SYN3: variants seen among roughly 807,000 people sequenced by gnomAD.
SYN3 encodes the protein synapsin-3.
SYN3 carries 35 observed loss-of-function variants against 65.8 expected under a neutral mutation model. The observed-to-expected ratio is 0.53, with a 90% confidence interval of 0.41 to 0.70. The LOEUF (loss-of-function observed/expected upper bound fraction) is 0.70. Ranked by LOEUF, SYN3 falls within the 30% of genes least tolerant of loss-of-function variation. The pLI, the probability that SYN3 is intolerant of heterozygous loss-of-function variation, is 0.00. For synonymous variants in SYN3, 270 were observed against 292.9 expected, an observed-to-expected ratio of 0.92 and a Z score of 0.80; for missense variants, 680 against 749.0, an observed-to-expected ratio of 0.91 and a Z score of 1.08.
intron 7 of SYN3, among the ~76,000 whole-genome samples, chr22:32,594,693 G>A (rs2059173800): frequency 1.3e-5 from 2 of 152,038 alleles, no homozygotes; most frequent in Admixed American, 1.3e-4. Flanking sequence ...TCTCCAGGTT[G>A]GTCAGGCTGG....
intron 7 of SYN3, among the ~76,000 whole-genome samples, chr22:32,554,264 T>C (rs2146315088): frequency 6.6e-6 from 1 of 152,246 alleles, no homozygotes; most frequent in Non-Finnish European, 1.5e-5. Context: ...GCTGGTTGCT[T>C]CAGGTTTCAG....
At chr22:32,893,504 A>G (rs1438539852) in intron 4 of SYN3, among the ~76,000 whole-genome samples, 3 of 152,184 alleles carry the variant, frequency 2.0e-5, no homozygotes, top group Non-Finnish European at 4.4e-5. Context: ...CCTTCAGTAG[A>G]GTCTTAAAAA....
At chr22:32,616,535 A>G (rs1021872861) in intron 6 of SYN3, among the ~76,000 whole-genome samples, 11 of 152,136 alleles carry the variant, frequency 7.2e-5, no homozygotes, top group African/African-American at 2.4e-4. Flanking sequence ...TGCTGAGTAT[A>G]ATAGCATCCC....
intron 1 of SYN3, among the ~76,000 whole-genome samples, chr22:33,024,848 C>T (rs1447347098): frequency 6.6e-6 from 1 of 152,170 alleles, no homozygotes; most frequent in Non-Finnish European, 1.5e-5. Flanking sequence ...GGGGGAGATG[C>T]CGTTACTGGG....
At chr22:32,694,585 C>T (rs892093016) in intron 6 of SYN3, among the ~76,000 whole-genome samples, 3 of 152,164 alleles carry the variant, frequency 2.0e-5, no homozygotes, top group Non-Finnish European at 2.9e-5. Context: ...TCTGCCTCCA[C>T]AGCTGAAGGC....
chr22:32,957,989 C>T (rs866050264), intron 3 of SYN3, among the ~76,000 whole-genome samples: 25 of 152,148 alleles, frequency 1.6e-4, no homozygotes, highest in South Asian at 4.1e-4. Context: ...AAAGAACCCA[C>T]CTGTGGCAAA....
intron 1 of SYN3, among the ~76,000 whole-genome samples, chr22:33,035,907 T>C (rs920146286): frequency 1.1e-4 from 17 of 152,196 alleles, no homozygotes; most frequent in Non-Finnish European, 2.4e-4. Context: ...TTCTACATTA[T>C]AATAAGCTAA....
intron 7 of SYN3, among the ~76,000 whole-genome samples, chr22:32,592,847 G>C (rs1452051674): frequency 1.3e-5 from 2 of 152,114 alleles, no homozygotes; most frequent in Non-Finnish European, 2.9e-5. Flanking sequence ...ACAGGGACTG[G>C]GTCCTATTGA....
intron 6 of SYN3, among the ~76,000 whole-genome samples, chr22:32,853,852 A>G (rs71313142): frequency 0.12 from 19,009 of 152,262 alleles, 1,619 homozygotes; most frequent in Non-Finnish European, 0.18. Context: ...TTACAGATGA[A>G]GAAACTGAGA....
chr22:32,959,469 T>G (rs960965968), intron 3 of SYN3, among the ~76,000 whole-genome samples: 1 of 151,960 alleles, frequency 6.6e-6, no homozygotes, highest in African/African-American at 2.4e-5. Flanking sequence ...GAGAATCACT[T>G]GAACCCAGGA....
rs531886571 is a variant in SYN3 at position 32,780,916 on chromosome 22, C to G, written c.711+83999G>C. Among the ~76,000 whole-genome samples, 6 of 122,100 alleles carry G rather than the reference C, an allele frequency of 4.9e-5. No homozygotes were observed. The East Asian group carries it at 6.4e-4, about 13-fold the overall frequency. 80.1% of individuals were successfully genotyped at this position (122,100 alleles called of 152,430 possible). A position where few individuals can be genotyped will look rare whatever the true frequency, so the allele number is the denominator to read the frequency against. On this transcript the variant is annotated intron_variant, in intron 6 of 13. Coordinates refer to ENST00000358763, the MANE Select transcript of SYN3 (RefSeq NM_003490.4). ...GCCTGCCTGCCTGCCTTCCTTGCTT[C>G]CTTCCTTCCTTCCTTCCTTTCCTTC...
At chr22:32,647,989 T>C (rs557059098) in intron 6 of SYN3, among the ~76,000 whole-genome samples, 1 of 152,262 alleles carries the variant, frequency 6.6e-6, no homozygotes, top group Non-Finnish European at 1.5e-5. Context: ...TCCTCTCACT[T>C]CAGTCTCCCA....
At chr22:32,563,871 G>T (rs1182652491) in intron 7 of SYN3, among the ~76,000 whole-genome samples, 2 of 152,156 alleles carry the variant, frequency 1.3e-5, no homozygotes, top group East Asian at 3.9e-4. Context: ...GTTTCTCCAT[G>T]TTGGTCAGGA....
intron 6 of SYN3, among the ~76,000 whole-genome samples, chr22:32,779,578 T>C (rs1046092844): frequency 3.3e-5 from 5 of 152,150 alleles, no homozygotes; most frequent in Non-Finnish European, 5.9e-5. Context: ...GCTGCAACTC[T>C]CCGAAGCGGG....
intron 6 of SYN3, among the ~76,000 whole-genome samples, chr22:32,817,802 T>C (rs1377745844): frequency 2.0e-5 from 3 of 152,182 alleles, no homozygotes; most frequent in Non-Finnish European, 4.4e-5. Context: ...ATGTTTCTGA[T>C]TGAAGGTCCA....
At chr22:32,756,032 G>A (rs2045278812) in intron 6 of SYN3, among the ~76,000 whole-genome samples, 1 of 151,790 alleles carries the variant, frequency 6.6e-6, no homozygotes, top group Non-Finnish European at 1.5e-5. Context: ...GAGAATGCAT[G>A]GACACAGGGA....
chr22:32,580,381 G>A (rs1379579488), intron 7 of SYN3, among the ~76,000 whole-genome samples: 1 of 152,198 alleles, frequency 6.6e-6, no homozygotes, highest in Non-Finnish European at 1.5e-5. Context: ...CATATTGAGA[G>A]GGAGAGACCA....
At chr22:32,924,124 T>C (rs1034885758) in intron 4 of SYN3, among the ~76,000 whole-genome samples, 4 of 152,244 alleles carry the variant, frequency 2.6e-5, no homozygotes, top group Admixed American at 2.6e-4. Context: ...TCTTTGCTAT[T>C]GTGACTAGTG....
chr22:32,541,754 T>C (rs135479), intron 7 of SYN3, 41 bp from the exon 8 acceptor site: 971,654 of 1,596,000 alleles, frequency 0.61, 297,243 homozygotes, highest in East Asian at 0.8. Flanking sequence ...ACCCACCCCG[T>C]GTTCACTGAG....
Sources: allele counts gnomAD v4.1 joint callset (sites outside exome capture counted in the v4.1 genomes callset), GRCh38; gene constraint gnomAD v4.1.1; transcripts MANE v1.5; gene names NCBI Gene and HGNC (gene_info 2026-07-23, HGNC 2026-07-21).